ZBED4: variants seen among roughly 807,000 people sequenced by gnomAD.
The protein encoded by ZBED4 is zinc finger BED-type containing 4, also known as zinc finger BED domain-containing protein 4.
A neutral mutation model predicts 15.5 loss-of-function variants in ZBED4; 4 were observed. That is an observed-to-expected ratio of 0.26 (90% CI 0.13 to 0.59). ZBED4 has a LOEUF of 0.59. Among genes scored for constraint, ZBED4 ranks in the 20% least tolerant of loss-of-function variants. The probability of loss-of-function intolerance (pLI) is 0.90; values close to 1 mark genes in which losing one functional copy is unlikely to be tolerated. For missense variants in ZBED4, 1,323 were observed against 1,461.8 expected (o/e 0.91, Z 1.55); for synonymous variants, 692 against 608.5 (o/e 1.14, Z -2.02).
At chr22:49,861,857 G>A (rs1259086032) in intron 1 of ZBED4, among the ~76,000 whole-genome samples, 1 of 152,160 alleles carries the variant, frequency 6.6e-6, no homozygotes, top group Non-Finnish European at 1.5e-5. Context: ...CATTTTTTGT[G>A]TTTCTGGTGA....
chr22:49,878,265 G>T (rs1226773248), intron 1 of ZBED4, among the ~76,000 whole-genome samples: 1 of 139,322 alleles, frequency 7.2e-6, no homozygotes, highest in Admixed American at 8.3e-5. Flanking sequence ...ACGCACCACT[G>T]CACTCCAACC....
At chr22:49,858,023 A>T (rs180963863) in intron 1 of ZBED4, among the ~76,000 whole-genome samples, 11 of 151,842 alleles carry the variant, frequency 7.2e-5, no homozygotes, top group African/African-American at 2.7e-4. Context: ...TGGCCTCCCA[A>T]AGTGCCAGGA....
intron 1 of ZBED4, among the ~76,000 whole-genome samples, chr22:49,861,699 A>C (rs751620721): frequency 2.0e-5 from 3 of 152,150 alleles, no homozygotes; most frequent in Non-Finnish European, 4.4e-5. Flanking sequence ...GGCCTCCCAA[A>C]GTGCTGGGAT....
At chr22:49,876,854 A>C (rs1240675305) in intron 1 of ZBED4, among the ~76,000 whole-genome samples, 1 of 152,242 alleles carries the variant, frequency 6.6e-6, no homozygotes, top group Non-Finnish European at 1.5e-5. Context: ...TCAGTTGCTG[A>C]AAACGTCAGA....
intron 1 of ZBED4, among the ~76,000 whole-genome samples, chr22:49,858,263 T>C (rs2060282776): frequency 6.6e-6 from 1 of 152,194 alleles, no homozygotes; most frequent in Admixed American, 6.5e-5. Flanking sequence ...TTGTGAGCCA[T>C]GGCTCCTGCT....
intron 1 of ZBED4, among the ~76,000 whole-genome samples, chr22:49,881,364 C>T (rs1250571064): frequency 6.6e-6 from 1 of 152,204 alleles, no homozygotes; most frequent in African/African-American, 2.4e-5. Context: ...ATTTGTTTTT[C>T]ATTTTCTAAT....
Position 49,886,120 on chromosome 22 carries a change from G to A in ZBED4, c.2458G>A (p.Gly820Arg). ...NASIGKTLNE[G>R]EHSSVQCFSH... The stretch of plus-strand genomic sequence containing the variant: ...CAGCATCGGGAAGACGCTGAACGAG[G>A]GGGAGCACTCGAGCGTGCAGTGCTT... The change falls in exon 2 of 2, where the codon GGG (glycine) becomes AGG (arginine). Residue 820 changes from glycine (G) to arginine (R), a missense_variant. Physicochemically the swap from Gly to Arg is moderately radical, Grantham distance 125. Coordinates refer to ENST00000216268, the MANE Select transcript of ZBED4 (RefSeq NM_014838.3). The surrounding 1 kb of genome is among the most constrained non-coding windows in gnomAD (Gnocchi z 7.7). The A allele has an allele frequency of 5.9e-6, 4 of 682,568 alleles. No individual in the cohort carries two copies. Among genetic ancestry groups the A allele is most frequent in the Non-Finnish European group, 1.1e-5 (4 of 371,798 alleles). 42.3% of individuals were successfully genotyped at this position (682,568 alleles called of 1,614,324 possible).
At chr22:49,861,004 G>A (rs2060295033) in intron 1 of ZBED4, among the ~76,000 whole-genome samples, 1 of 118,438 alleles carries the variant, frequency 8.4e-6, no homozygotes, top group African/African-American at 2.8e-5. Context: ...GTCTCGATCT[G>A]AGCTCAGGCA....
chr22:49,853,320 C>A (rs563799078), upstream of ZBED4: 1 of 152,342 alleles, frequency 6.6e-6, no homozygotes, highest in African/African-American at 2.4e-5. Flanking sequence ...TCCCGTCCCC[C>A]GGGGGGGCCG....
At chr22:49,864,335 T>C (rs2060310393) in intron 1 of ZBED4, among the ~76,000 whole-genome samples, 1 of 152,226 alleles carries the variant, frequency 6.6e-6, no homozygotes, top group Non-Finnish European at 1.5e-5. Flanking sequence ...AAAATAACAA[T>C]GGCAGTACAA....
At chr22:49,878,763 C>T (rs145818079) in intron 1 of ZBED4, among the ~76,000 whole-genome samples, 2,564 of 152,034 alleles carry the variant, frequency 0.017, 76 homozygotes, top group African/African-American at 0.058. Context: ...AATTAGAAGA[C>T]GAGGTGGGTG....
intron 1 of ZBED4, among the ~76,000 whole-genome samples, chr22:49,855,100 A>G (rs2147493642): frequency 6.6e-6 from 1 of 152,318 alleles, no homozygotes; most frequent in African/African-American, 2.4e-5. Flanking sequence ...GTTTGATTCC[A>G]TACTCCGAGG....
At chr22:49,873,582 T>G (rs2060359442) in intron 1 of ZBED4, among the ~76,000 whole-genome samples, 1 of 152,196 alleles carries the variant, frequency 6.6e-6, no homozygotes, top group Non-Finnish European at 1.5e-5. Context: ...GCCCCTGCTG[T>G]TAGAAAATGG....
intron 1 of ZBED4, among the ~76,000 whole-genome samples, chr22:49,882,826 T>A (rs1337761195): frequency 6.6e-6 from 1 of 152,222 alleles, no homozygotes; most frequent in African/African-American, 2.4e-5. Context: ...AGGACGCCTT[T>A]CCCTTCTCAG....
At chr22:49,858,395 G>T (rs1012571630) in intron 1 of ZBED4, among the ~76,000 whole-genome samples, 2 of 152,220 alleles carry the variant, frequency 1.3e-5, no homozygotes. Flanking sequence ...TCTGAACCAG[G>T]CCCGGAGTCT....
At chr22:49,862,693 C>CT (rs66520307) in intron 1 of ZBED4, among the ~76,000 whole-genome samples, 4,716 of 59,024 alleles carry the variant, frequency 0.08, 795 homozygotes, top group African/African-American at 0.2. Context: ...TAAGTTTTTC[C>CT]TTTTTTTTTT....
chr22:49,858,148 C>T (rs1439470495), intron 1 of ZBED4, among the ~76,000 whole-genome samples: 2 of 151,796 alleles, frequency 1.3e-5, no homozygotes, highest in South Asian at 2.1e-4. Context: ...GTGATCCACC[C>T]GCCTTTGCCT....
Position 49,878,868 on chromosome 22 carries a change from G to T in ZBED4, c.-329-4466G>T, listed in dbSNP as rs187421515. Among the ~76,000 whole-genome samples the T allele has an allele frequency of 8.1e-3, 1,227 of 152,108 alleles. 19 individuals carry two copies. Among genetic ancestry groups the T allele is most frequent in the African/African-American group, 0.029 (1,191 of 41,534 alleles). Reference sequence around the variant, plus strand: ...AAAAAAATGAGCCGGGAGTGGGCCAGGCGTGGTGGCTCATGCATGTAACCC... The same window carrying T: ...AAAAAAATGAGCCGGGAGTGGGCCATGCGTGGTGGCTCATGCATGTAACCC... On this transcript the variant is annotated intron_variant, in intron 1 of 1. Coordinates refer to ENST00000216268, the MANE Select transcript of ZBED4 (RefSeq NM_014838.3).
chr22:49,861,460 G>A (rs569226420), intron 1 of ZBED4, among the ~76,000 whole-genome samples: 15 of 152,216 alleles, frequency 9.9e-5, no homozygotes, highest in South Asian at 4.1e-4. Context: ...TTGAGATAGC[G>A]TCTGGCTCTG....
Sources: gnomAD v4.1 joint callset for allele counts (sites outside exome capture counted in the v4.1 genomes callset) on GRCh38, gnomAD v4.1.1 for gene constraint, Gnocchi (gnomAD v3.1) non-coding constraint, MANE v1.5 for transcripts, NCBI Gene and HGNC (gene_info 2026-07-23, HGNC 2026-07-21) for gene names.